The following SCFD2 variants were observed in gnomAD, a reference collection of about 807,000 sequenced individuals.
SCFD2 encodes the protein sec1 family domain-containing protein 2.
A neutral mutation model predicts 58.9 loss-of-function variants in SCFD2; 54 were observed. The ratio of observed to expected loss-of-function variants is 0.92; its 90% CI spans 0.74 to 1.15. SCFD2 has a LOEUF of 1.15. Among genes scored for constraint, SCFD2 ranks in the 50% most tolerant of loss-of-function variants. The pLI, the probability that SCFD2 is intolerant of heterozygous loss-of-function variation, is 0.00. For missense variants in SCFD2, 805 were observed against 836.6 expected (o/e 0.96, Z 0.47); for synonymous variants, 321 against 335.9 (o/e 0.96, Z 0.49).
At chr4:53,083,887 CA>C (rs1724223250) in intron 5 of SCFD2, among the ~76,000 whole-genome samples, 1 of 152,056 alleles carries the variant, frequency 6.6e-6, no homozygotes, top group Non-Finnish European at 1.5e-5. Flanking sequence ...AAGGGTCTAA[CA>C]AAGATCACAT....
chr4:53,290,432 A>T (rs1388542006), intron 3 of SCFD2, among the ~76,000 whole-genome samples: 1 of 152,186 alleles, frequency 6.6e-6, no homozygotes, highest in Non-Finnish European at 1.5e-5. Flanking sequence ...ACAAACAACA[A>T]TGGAAACAAA....
intron 5 of SCFD2, among the ~76,000 whole-genome samples, chr4:52,937,630 T>C (rs1430413095): frequency 6.6e-6 from 1 of 152,078 alleles, no homozygotes; most frequent in African/African-American, 2.4e-5. Flanking sequence ...CAAATTGCTA[T>C]AGGAGGAAGC....
At chr4:53,040,594 A>G (rs1189930150) in intron 5 of SCFD2, among the ~76,000 whole-genome samples, 1 of 152,082 alleles carries the variant, frequency 6.6e-6, no homozygotes, top group Non-Finnish European at 1.5e-5. Flanking sequence ...GCTTTGCTCT[A>G]TTTGTCTAAA....
intron 5 of SCFD2, among the ~76,000 whole-genome samples, chr4:53,003,755 T>G (rs1721914602): frequency 6.6e-6 from 1 of 152,144 alleles, no homozygotes; most frequent in African/African-American, 2.4e-5. Context: ...TGATGTACAT[T>G]TGGTCAATGA....
At chr4:53,112,762 C>T (rs1725209059) in intron 5 of SCFD2, among the ~76,000 whole-genome samples, 1 of 151,934 alleles carries the variant, frequency 6.6e-6, no homozygotes, top group African/African-American at 2.4e-5. Context: ...GAGGATTATC[C>T]CATCAATCTT....
chr4:52,936,330 C>T (rs1720137968), intron 5 of SCFD2, among the ~76,000 whole-genome samples: 1 of 152,142 alleles, frequency 6.6e-6, no homozygotes, highest in African/African-American at 2.4e-5. Context: ...AAAACCATAG[C>T]CTCCATTTCA....
intron 3 of SCFD2, among the ~76,000 whole-genome samples, chr4:53,301,177 G>C (rs1055921259): frequency 3.3e-5 from 5 of 152,058 alleles, no homozygotes; most frequent in Admixed American, 2.6e-4. Flanking sequence ...TTTTTGAAAA[G>C]ATCAACAAAA....
intron 5 of SCFD2, among the ~76,000 whole-genome samples, chr4:53,058,481 T>A (rs573874826): frequency 6.6e-6 from 1 of 152,278 alleles, no homozygotes; most frequent in African/African-American, 2.4e-5. Context: ...AAAGTCCATA[T>A]AGCAGTGGGC....
intron 4 of SCFD2, among the ~76,000 whole-genome samples, chr4:53,221,543 C>G (rs1218483641): frequency 6.6e-6 from 1 of 152,198 alleles, no homozygotes; most frequent in Non-Finnish European, 1.5e-5. Flanking sequence ...GATGCCTCCC[C>G]ATCTGTAACT....
intron 7 of SCFD2, among the ~76,000 whole-genome samples, chr4:52,896,604 A>C (rs1719021407): frequency 6.6e-6 from 1 of 152,186 alleles, no homozygotes; most frequent in Admixed American, 6.5e-5. Flanking sequence ...TGATGCCTCC[A>C]GCTTTGTTCT....
At chr4:53,245,172 T>C (rs1302936802) in intron 4 of SCFD2, among the ~76,000 whole-genome samples, 1 of 151,850 alleles carries the variant, frequency 6.6e-6, no homozygotes, top group South Asian at 2.1e-4. Flanking sequence ...TGAATTATAC[T>C]AGATGTACAA....
At chr4:53,059,112 CT>C (rs1723431003) in intron 5 of SCFD2, among the ~76,000 whole-genome samples, 1 of 152,230 alleles carries the variant, frequency 6.6e-6, no homozygotes, top group East Asian at 1.9e-4. Flanking sequence ...ATTTCTTCCC[CT>C]GATGAACTCC....
chr4:53,093,833 T>G (rs571695314), intron 5 of SCFD2, among the ~76,000 whole-genome samples: 57 of 152,132 alleles, frequency 3.7e-4, no homozygotes, highest in Admixed American at 3.5e-3. Context: ...ATCAGTCATC[T>G]CCAGGAAGAA....
chr4:53,303,271 C>A (rs1193559024), intron 3 of SCFD2, among the ~76,000 whole-genome samples: 1 of 152,116 alleles, frequency 6.6e-6, no homozygotes, highest in Non-Finnish European at 1.5e-5. Context: ...AACAAACAAA[C>A]CCATCGAAAA....
rs2149100868 is a variant in SCFD2, at chr4:53,303,112, A to C, written c.1135+10524T>G. ...CAAAATAGACAAATGGAATCTACTT[A>C]AACTAAAGAGCTTCTGCACAGCAAA... On this transcript the variant is annotated intron_variant, in intron 3 of 8. Coordinates refer to ENST00000401642, the MANE Select transcript of SCFD2 (RefSeq NM_152540.4). Among the ~76,000 whole-genome samples the C allele has an allele frequency of 1.3e-5, 2 of 152,366 alleles. 1 individual carries two copies. The highest frequency in any genetic ancestry group is 4.1e-4 in the South Asian group (2 of 4,830).
chr4:53,202,150 T>C (rs1219968644), intron 4 of SCFD2, among the ~76,000 whole-genome samples: 2 of 152,118 alleles, frequency 1.3e-5, no homozygotes, highest in Non-Finnish European at 2.9e-5. Flanking sequence ...AGGGTTTTTA[T>C]GGTTTTAGGT....
At chr4:53,176,741 G>C (rs1180499117) in intron 4 of SCFD2, among the ~76,000 whole-genome samples, 1 of 152,142 alleles carries the variant, frequency 6.6e-6, no homozygotes, top group Non-Finnish European at 1.5e-5. Context: ...CCTGAGTTCA[G>C]GAGTTCTAGA....
intron 5 of SCFD2, among the ~76,000 whole-genome samples, chr4:53,006,162 A>G (rs902176044): frequency 6.6e-6 from 1 of 152,184 alleles, no homozygotes; most frequent in African/African-American, 2.4e-5. Flanking sequence ...CCTGTTCCCA[A>G]GATGGGCTCT....
At chr4:53,286,958 T>A (rs955097513) in intron 3 of SCFD2, among the ~76,000 whole-genome samples, 8 of 152,154 alleles carry the variant, frequency 5.3e-5, no homozygotes, top group Admixed American at 4.6e-4. Context: ...GGGAAGTTAC[T>A]GTGCCCTGTT....
Sources: gnomAD v4.1 joint callset for allele counts (sites outside exome capture counted in the v4.1 genomes callset) on GRCh38, gnomAD v4.1.1 for gene constraint, MANE v1.5 for transcripts, NCBI Gene and HGNC (gene_info 2026-07-23, HGNC 2026-07-21) for gene names.